The following PLPPR1 variants were observed in gnomAD, a reference collection of about 807,000 sequenced individuals.
PLPPR1 encodes phospholipid phosphatase related 1.
PLPPR1 carries 10 observed loss-of-function variants against 33.1 expected under a neutral mutation model. The ratio of observed to expected loss-of-function variants is 0.30; its 90% CI spans 0.19 to 0.51. The LOEUF is 0.51. Ranked by LOEUF, PLPPR1 falls within the 20% of genes least tolerant of loss-of-function variation. The pLI is 0.97. For synonymous variants in PLPPR1, 151 were observed against 151.0 expected, an observed-to-expected ratio of 1.00 and a Z score of 0.00; for missense variants, 304 against 408.1, an observed-to-expected ratio of 0.74 and a Z score of 2.20.
At chr9:101,299,224 G>T (rs912904856) in intron 4 of PLPPR1, among the ~76,000 whole-genome samples, 1 of 152,230 alleles carries the variant, frequency 6.6e-6, no homozygotes, top group South Asian at 2.1e-4. Context: ...GAGCCAGGAA[G>T]AATCTTCAGG....
chr9:101,249,202 T>G (rs190353833), intron 2 of PLPPR1, among the ~76,000 whole-genome samples: 36 of 152,244 alleles, frequency 2.4e-4, no homozygotes, highest in Admixed American at 2.1e-3. Flanking sequence ...TGTCTAGCAG[T>G]ATCTCATGCT....
chr9:101,082,413 C>T (rs759202023), intron 1 of PLPPR1, among the ~76,000 whole-genome samples: 15 of 151,962 alleles, frequency 9.9e-5, no homozygotes, highest in Non-Finnish European at 2.1e-4. Flanking sequence ...CCTCCCCCAC[C>T]AAGGAGGGGA....
intron 2 of PLPPR1, among the ~76,000 whole-genome samples, chr9:101,217,297 C>A (rs1054286416): frequency 6.6e-6 from 1 of 151,846 alleles, no homozygotes; most frequent in African/African-American, 2.4e-5. Context: ...AAAGGGAAAT[C>A]ATAGAAAAAG....
intron 1 of PLPPR1, among the ~76,000 whole-genome samples, chr9:101,093,925 A>G (rs1164799397): frequency 6.6e-6 from 1 of 152,114 alleles, no homozygotes; most frequent in South Asian, 2.1e-4. Flanking sequence ...GATAGGATAC[A>G]TGTTCTCTCT....
chr9:101,249,410 A>T (rs1485731083), intron 2 of PLPPR1, among the ~76,000 whole-genome samples: 2 of 152,078 alleles, frequency 1.3e-5, no homozygotes, highest in African/African-American at 4.8e-5. Context: ...GGGGTGGCCC[A>T]ATTATAAACG....
At chr9:101,169,698 T>C (rs965924214) in intron 1 of PLPPR1, among the ~76,000 whole-genome samples, 5 of 152,156 alleles carry the variant, frequency 3.3e-5, no homozygotes, top group East Asian at 3.9e-4. Flanking sequence ...TGTTATCAAA[T>C]GTTATCAAGG....
chr9:101,305,747 CGTTTCCTGGTTCTGTCACT>C (rs1404738522), intron 4 of PLPPR1, among the ~76,000 whole-genome samples: 1 of 151,824 alleles, frequency 6.6e-6, no homozygotes, highest in Admixed American at 6.6e-5. Flanking sequence ...CCTTCATGCA[CGTTTCCTGGTTCTGTCACT>C]GTTTCTACTA....
At chr9:101,223,277 A>G (rs1029824866) in intron 2 of PLPPR1, among the ~76,000 whole-genome samples, 1 of 151,452 alleles carries the variant, frequency 6.6e-6, no homozygotes, top group African/African-American at 2.4e-5. Context: ...TTGAGCTTGC[A>G]GTGAGCTATG....
intron 3 of PLPPR1, among the ~76,000 whole-genome samples, chr9:101,275,857 T>C (rs1828182113): frequency 6.6e-6 from 1 of 152,142 alleles, no homozygotes; most frequent in South Asian, 2.1e-4. Flanking sequence ...TATGCAAGTG[T>C]GCGCGCATGC....
intron 2 of PLPPR1, among the ~76,000 whole-genome samples, chr9:101,241,536 C>G (rs1242856537): frequency 1.3e-5 from 2 of 152,106 alleles, no homozygotes; most frequent in Non-Finnish European, 2.9e-5. Context: ...GCTGGCTGGA[C>G]AAGCTTGAGA....
intron 1 of PLPPR1, among the ~76,000 whole-genome samples, chr9:101,068,768 A>T (rs925233402): frequency 1.3e-5 from 2 of 152,054 alleles, no homozygotes; most frequent in Non-Finnish European, 1.5e-5. Flanking sequence ...TGTTTGATTC[A>T]TGTAAGGCAA....
At chr9:101,308,824 CG>C (rs2118953514) in intron 4 of PLPPR1, among the ~76,000 whole-genome samples, 1 of 152,248 alleles carries the variant, frequency 6.6e-6, no homozygotes, top group South Asian at 2.1e-4. Context: ...GTATTTTGCA[CG>C]TAGATTATTC....
At chr9:101,112,521 A>G (rs1349347743) in intron 1 of PLPPR1, among the ~76,000 whole-genome samples, 1 of 152,206 alleles carries the variant, frequency 6.6e-6, no homozygotes, top group Non-Finnish European at 1.5e-5. Flanking sequence ...AGATGGTTTA[A>G]TACAGAAGCT....
At chr9:101,069,328 T>C (rs1050437820) in intron 1 of PLPPR1, among the ~76,000 whole-genome samples, 2 of 152,080 alleles carry the variant, frequency 1.3e-5, no homozygotes, top group African/African-American at 4.8e-5. Context: ...AAAGCAACTT[T>C]CCCAAGATCA....
intron 4 of PLPPR1, among the ~76,000 whole-genome samples, chr9:101,303,691 A>G (rs2118945684): frequency 6.6e-6 from 1 of 152,348 alleles, no homozygotes. Flanking sequence ...CTGCCCACAG[A>G]GTAGCTTTTC....
At chr9:101,277,195 T>G (rs1484078198) in intron 3 of PLPPR1, among the ~76,000 whole-genome samples, 3 of 152,198 alleles carry the variant, frequency 2.0e-5, no homozygotes, top group Non-Finnish European at 4.4e-5. Context: ...GGGAGAATAT[T>G]AGAAGTATCT....
intron 1 of PLPPR1, among the ~76,000 whole-genome samples, chr9:101,086,517 G>A (rs1179695170): frequency 6.6e-6 from 1 of 152,176 alleles, no homozygotes; most frequent in Non-Finnish European, 1.5e-5. Flanking sequence ...TGAAGTGACT[G>A]TGAAGATGCT....
At chr9:101,044,297 C>T (rs1248292982) in intron 1 of PLPPR1, among the ~76,000 whole-genome samples, 1 of 152,214 alleles carries the variant, frequency 6.6e-6, no homozygotes, top group African/African-American at 2.4e-5. Context: ...CTGACTCCTA[C>T]TGCTTGATCC....
rs1831055316 is a variant in PLPPR1, at chr9:101,111,436, A to G, written c.-45-74014A>G. On this transcript the variant is annotated intron_variant, in intron 1 of 7. Transcript: ENST00000374874. ...GAATTTATATGTAACTGATGCATTC[A>G]TAAGACCTTTTCTATTTAGCAGTCA... Among the ~76,000 whole-genome samples, 4 of 152,210 alleles carry G rather than the reference A, an allele frequency of 2.6e-5. No homozygotes were observed. In the South Asian group the frequency reaches 8.3e-4, roughly 32 times the overall value.
Sources: allele counts gnomAD v4.1 joint callset (sites outside exome capture counted in the v4.1 genomes callset), GRCh38; gene constraint gnomAD v4.1.1; transcripts MANE v1.5; gene names NCBI Gene and HGNC (gene_info 2026-07-23, HGNC 2026-07-21).